The following DNAJC3 variants were observed in gnomAD, a reference collection of about 807,000 sequenced individuals.
DNAJC3 encodes dnaJ homolog subfamily C member 3.
DNAJC3 carries 38 observed loss-of-function variants against 68.6 expected under a neutral mutation model. That is an observed-to-expected ratio of 0.55 (90% CI 0.43 to 0.73). The LOEUF (loss-of-function observed/expected upper bound fraction) is 0.73. Ranked by LOEUF, DNAJC3 falls within the 30% of genes least tolerant of loss-of-function variation. The pLI is 0.00. For synonymous variants in DNAJC3, 203 were observed against 204.0 expected (o/e 1.00, Z 0.04); for missense variants, 526 against 591.9 (o/e 0.89, Z 1.16).
chr13:95,789,745 T>A (rs1017336776), intron 11 of DNAJC3, among the ~76,000 whole-genome samples: 2 of 152,142 alleles, frequency 1.3e-5, no homozygotes, highest in Non-Finnish European at 2.9e-5. Flanking sequence ...AATGGCTGAA[T>A]GAATTTACAC....
chr13:95,781,033 C>T (rs1023839845), intron 9 of DNAJC3, among the ~76,000 whole-genome samples: 19 of 152,036 alleles, frequency 1.2e-4, no homozygotes, highest in Non-Finnish European at 2.1e-4. Flanking sequence ...GTAAATAGGA[C>T]CTGTTCACTG....
intron 9 of DNAJC3, 52 bp from the exon 10 acceptor site, chr13:95,785,887 G>A: frequency 6.7e-7 from 1 of 1,487,690 alleles, no homozygotes; most frequent in Non-Finnish European, 9.0e-7. Flanking sequence ...ATAAGAAAAG[G>A]CAATAAATTA....
chr13:95,686,509 G>T (rs879658854), intron 1 of DNAJC3, among the ~76,000 whole-genome samples: 7 of 152,134 alleles, frequency 4.6e-5, no homozygotes, highest in Non-Finnish European at 1.0e-4. Flanking sequence ...GTTTGCCTAG[G>T]CCAATGTCCA....
intron 1 of DNAJC3, among the ~76,000 whole-genome samples, chr13:95,704,851 G>GTGTTTTTTTTTTTTTTTTTTTTTTTTT (rs1555323371): frequency 2.0e-5 from 2 of 97,850 alleles, no homozygotes; most frequent in African/African-American, 1.2e-4. Flanking sequence ...GTGTGTGTGT[G>GTGTTTTTTTTTTTTTTTTTTTTTTTTT]TTTTTTTTTT....
chr13:95,710,384 T>C (rs1009788691), intron 2 of DNAJC3, among the ~76,000 whole-genome samples: 1 of 151,836 alleles, frequency 6.6e-6, no homozygotes, highest in Non-Finnish European at 1.5e-5. Flanking sequence ...TCCAACTACT[T>C]TTTACAACTT....
intron 1 of DNAJC3, among the ~76,000 whole-genome samples, chr13:95,706,152 T>C (rs567867104): frequency 2.0e-5 from 3 of 152,348 alleles, no homozygotes; most frequent in African/African-American, 7.2e-5. Flanking sequence ...AGTACAGAAG[T>C]AGTCAAACCT....
At chr13:95,718,647 C>T (rs556710454) in intron 2 of DNAJC3, among the ~76,000 whole-genome samples, 2 of 152,276 alleles carry the variant, frequency 1.3e-5, no homozygotes, top group African/African-American at 2.4e-5. Context: ...GTGATCCACC[C>T]GCCTTGGCCT....
intron 2 of DNAJC3, among the ~76,000 whole-genome samples, chr13:95,722,412 C>A (rs928707980): frequency 3.3e-5 from 5 of 152,014 alleles, no homozygotes; most frequent in African/African-American, 1.2e-4. Flanking sequence ...TGTGCATAGT[C>A]CACATTCTTA....
At chr13:95,688,993 A>AT (rs1292755998) in intron 1 of DNAJC3, among the ~76,000 whole-genome samples, 5 of 147,586 alleles carry the variant, frequency 3.4e-5, no homozygotes, top group Admixed American at 3.4e-4. Context: ...GTTTGCTAGT[A>AT]TTTTGTTGCA....
intron 2 of DNAJC3, among the ~76,000 whole-genome samples, chr13:95,716,824 A>G (rs1881164673): frequency 6.6e-6 from 1 of 152,156 alleles, no homozygotes; most frequent in African/African-American, 2.4e-5. Context: ...TCTGATTTAT[A>G]TGGGCACAGT....
At chr13:95,758,778 C>T (rs1882739380) in intron 5 of DNAJC3, among the ~76,000 whole-genome samples, 1 of 152,126 alleles carries the variant, frequency 6.6e-6, no homozygotes, top group Admixed American at 6.5e-5. Flanking sequence ...AGTCGTAATT[C>T]ACATTTATTT....
chr13:95,767,968 G>T (rs766179845), intron 9 of DNAJC3, among the ~76,000 whole-genome samples: 5 of 151,928 alleles, frequency 3.3e-5, no homozygotes, highest in Non-Finnish European at 7.4e-5. Flanking sequence ...GCCTCCCAAA[G>T]TGATGGGATT....
chr13:95,772,225 G>A (rs538221022), intron 9 of DNAJC3, among the ~76,000 whole-genome samples: 21 of 152,188 alleles, frequency 1.4e-4, no homozygotes, highest in African/African-American at 3.1e-4. Flanking sequence ...TCAGTGTTTC[G>A]CCAATAATCC....
intron 2 of DNAJC3, 25 bp downstream of exon 2, chr13:95,709,362 T>G (rs1880873956): frequency 6.5e-7 from 1 of 1,533,620 alleles, no homozygotes; most frequent in African/African-American, 1.4e-5. Context: ...ACCAAATCAC[T>G]CAGTGTCTGT....
rs2139591044 is a variant in DNAJC3 at position 95,677,180 on chromosome 13, G to C, written c.-76G>C. 1 of 1,405,148 alleles carries C rather than the reference G, an allele frequency of 7.1e-7. No individual in the cohort carries two copies. Among genetic ancestry groups the C allele is most frequent in the East Asian group, 2.7e-5 (1 of 37,700 alleles). The allele number at this position is 1,405,148 out of a possible 1,614,324, so 87.0% of individuals were successfully genotyped here. ...GAGCGAGAGCCGACGGCGGGCGGGC[G>C]CAGCTGCTGCCGGAGCGCCGGCGCG... On this transcript the variant is annotated 5_prime_UTR_variant, in exon 1 of 12. Coordinates refer to ENST00000602402, the MANE Select transcript of DNAJC3 (RefSeq NM_006260.5).
chr13:95,781,087 C>T (rs1306983323), intron 9 of DNAJC3, among the ~76,000 whole-genome samples: 3 of 151,990 alleles, frequency 2.0e-5, no homozygotes, highest in African/African-American at 7.3e-5. Context: ...CCAGTGAGCC[C>T]TGCTTCACTC....
intron 1 of DNAJC3, among the ~76,000 whole-genome samples, chr13:95,704,882 C>T (rs1880687927): frequency 1.1e-5 from 1 of 90,996 alleles, no homozygotes. Flanking sequence ...GACAGAGTCT[C>T]GCAGTGTCGC....
Position 95,744,606 on chromosome 13 carries a change from T to A in DNAJC3, c.394-13038T>A, listed in dbSNP as rs1046103372. On this transcript the variant is annotated intron_variant, in intron 4 of 11. Coordinates refer to ENST00000602402, the MANE Select transcript of DNAJC3 (RefSeq NM_006260.5). ...GATTAACAATTGGCAAATTCATATG[T>A]ATGTACTTTGATCAATATGTATAGT... 2 of 152,208 alleles carry A rather than the reference T, an allele frequency of 1.3e-5. 1 individual carries two copies. The highest frequency in any genetic ancestry group is 4.1e-4 in the South Asian group (2 of 4,838). The allele number at this position is 152,208 out of a possible 1,614,324, so 9.4% of individuals were successfully genotyped here.
At chr13:95,735,808 A>G in intron 4 of DNAJC3, among the ~76,000 whole-genome samples, 1 of 152,150 alleles carries the variant, frequency 6.6e-6, no homozygotes. Context: ...TTTGCTGTGC[A>G]GAAGCTCTTT....
Sources: allele counts gnomAD v4.1 joint callset (sites outside exome capture counted in the v4.1 genomes callset), GRCh38; gene constraint gnomAD v4.1.1; transcripts MANE v1.5; gene names NCBI Gene and HGNC (gene_info 2026-07-23, HGNC 2026-07-21).